Variants in NELL1 observed in about 807,000 individuals in gnomAD.
NELL1 encodes the protein neural EGFL like 1.
A neutral mutation model predicts 107.4 loss-of-function variants in NELL1; 76 were observed. The observed-to-expected ratio is 0.71, with a 90% CI of 0.59 to 0.86. NELL1 has a LOEUF of 0.86. Among genes scored for constraint, NELL1 ranks in the 40% least tolerant of loss-of-function variants. The pLI, the probability that NELL1 is intolerant of heterozygous loss-of-function variation, is 0.00. For synonymous variants in NELL1, 353 were observed against 341.2 expected, an observed-to-expected ratio of 1.03 and a Z score of -0.38; for missense variants, 1,024 against 1,005.5, an observed-to-expected ratio of 1.02 and a Z score of -0.25.
At chr11:21,077,610 G>T (rs1423462589) in intron 12 of NELL1, among the ~76,000 whole-genome samples, 1 of 152,004 alleles carries the variant, frequency 6.6e-6, no homozygotes, top group Admixed American at 6.6e-5. Context: ...TGGCGTGGTG[G>T]CACGTGCCTG....
intron 15 of NELL1, among the ~76,000 whole-genome samples, chr11:21,426,260 G>A (rs1483656638): frequency 1.3e-5 from 2 of 152,174 alleles, no homozygotes; most frequent in South Asian, 2.1e-4. Flanking sequence ...TACATGCTCA[G>A]TAGCATGTGG....
At chr11:21,052,189 G>A (rs909813337) in intron 12 of NELL1, among the ~76,000 whole-genome samples, 1 of 152,088 alleles carries the variant, frequency 6.6e-6, no homozygotes, top group Non-Finnish European at 1.5e-5. Context: ...TGTCTGGAGT[G>A]TGGTGAGATG....
intron 12 of NELL1, among the ~76,000 whole-genome samples, chr11:21,084,993 A>G (rs1403099589): frequency 6.6e-6 from 1 of 152,172 alleles, no homozygotes; most frequent in African/African-American, 2.4e-5. Flanking sequence ...CAGTTATACA[A>G]TGGGGGTAAG....
intron 14 of NELL1, among the ~76,000 whole-genome samples, chr11:21,332,239 A>C (rs904925681): frequency 6.6e-6 from 1 of 151,944 alleles, no homozygotes; most frequent in Non-Finnish European, 1.5e-5. Context: ...TTTGCGTTCA[A>C]AGGTCCAAGG....
chr11:21,500,696 C>A (rs1185374066), intron 15 of NELL1, among the ~76,000 whole-genome samples: 1 of 152,030 alleles, frequency 6.6e-6, no homozygotes, highest in Non-Finnish European at 1.5e-5. Flanking sequence ...TAATACTGTG[C>A]TTTTTAGTGT....
chr11:21,413,459 G>T (rs1172804706), intron 15 of NELL1, among the ~76,000 whole-genome samples: 2 of 152,042 alleles, frequency 1.3e-5, no homozygotes, highest in South Asian at 4.1e-4. Context: ...AAGTGTGGCT[G>T]CTTTGAAAGA....
chr11:20,940,408 G>A (rs748529279), intron 10 of NELL1, among the ~76,000 whole-genome samples: 4 of 152,038 alleles, frequency 2.6e-5, no homozygotes, highest in Admixed American at 6.6e-5. Context: ...TAAGAGCTGC[G>A]CCACCACACC....
At chr11:20,881,128 C>T (rs897785193) in intron 4 of NELL1, among the ~76,000 whole-genome samples, 3 of 152,142 alleles carry the variant, frequency 2.0e-5, no homozygotes, top group African/African-American at 7.2e-5. Flanking sequence ...TCCCCTTTTC[C>T]TTCTGATAAG....
chr11:20,771,558 A>G (rs1035752230), intron 2 of NELL1, among the ~76,000 whole-genome samples: 7 of 152,106 alleles, frequency 4.6e-5, no homozygotes, highest in African/African-American at 2.4e-5. Flanking sequence ...GATGACGGGG[A>G]AGCCTAGATT....
rs116302595 is a variant in NELL1 at position 21,208,931 on chromosome 11, C to T, written c.1427-20401C>T. On this transcript the variant is annotated intron_variant, in intron 13 of 19. Coordinates refer to ENST00000357134, the MANE Select transcript of NELL1 (RefSeq NM_006157.5). ...TTTCTGCCCTTGGCAAAGATCTCAG[C>T]ACCTGAGCTTAGCAGAGAATCAGCA... is the stretch of plus-strand genomic sequence containing the variant. Among the ~76,000 whole-genome samples, 1,171 of 152,260 alleles carry T rather than the reference C, an allele frequency of 7.7e-3. 11 individuals carry two copies. The highest frequency in any genetic ancestry group is 0.025 in the African/African-American group (1,019 of 41,556).
intron 12 of NELL1, among the ~76,000 whole-genome samples, chr11:21,038,563 G>C (rs1391533849): frequency 3.3e-5 from 5 of 152,112 alleles, no homozygotes; most frequent in Non-Finnish European, 7.4e-5. Context: ...TATTTGCTTG[G>C]CTAAGTTTTT....
chr11:21,193,723 T>A (rs1265466258), intron 13 of NELL1, among the ~76,000 whole-genome samples: 2 of 151,928 alleles, frequency 1.3e-5, no homozygotes, highest in Non-Finnish European at 2.9e-5. Context: ...TTTCATTTGA[T>A]GTTCTTGATT....
chr11:21,311,154 C>A (rs535222282), intron 14 of NELL1, among the ~76,000 whole-genome samples: 3 of 152,202 alleles, frequency 2.0e-5, no homozygotes, highest in East Asian at 3.9e-4. Flanking sequence ...AAATGCATTA[C>A]CCATGCTATA....
chr11:21,003,468 A>C (rs1465662641), intron 12 of NELL1, among the ~76,000 whole-genome samples: 1 of 152,160 alleles, frequency 6.6e-6, no homozygotes, highest in African/African-American at 2.4e-5. Context: ...TTAGGCTTGC[A>C]GAAGTATTAG....
At chr11:21,107,815 G>A (rs185404379) in intron 12 of NELL1, among the ~76,000 whole-genome samples, 38 of 152,264 alleles carry the variant, frequency 2.5e-4, no homozygotes, top group Non-Finnish European at 4.4e-4. Flanking sequence ...GAATGTATAC[G>A]TGGGAAAAAC....
At chr11:20,873,719 C>T (rs1245805106) in intron 4 of NELL1, among the ~76,000 whole-genome samples, 2 of 150,348 alleles carry the variant, frequency 1.3e-5, no homozygotes, top group East Asian at 1.9e-4. Flanking sequence ...GTCTGATGAT[C>T]TTTCCCTGGC....
At chr11:21,192,131 C>A (rs1857062930) in intron 13 of NELL1, among the ~76,000 whole-genome samples, 1 of 151,766 alleles carries the variant, frequency 6.6e-6, no homozygotes, top group South Asian at 2.1e-4. Context: ...TTCTTTATTT[C>A]ATATGGCAGG....
intron 15 of NELL1, among the ~76,000 whole-genome samples, chr11:21,444,122 A>G (rs1188138655): frequency 1.3e-5 from 2 of 152,164 alleles, no homozygotes; most frequent in Admixed American, 1.3e-4. Flanking sequence ...TAAAAATGAG[A>G]TTATACTCTA....
chr11:21,570,850 A>C lies in NELL1; in HGVS notation c.2067A>C (p.Arg689Ser). Residue 689 changes from arginine to serine, a missense_variant, in exon 18 of 20, where the codon AGA becomes AGC. Physicochemically the swap from Arg to Ser is moderately radical, Grantham distance 110 (BLOSUM62 -1). Coordinates refer to ENST00000357134, the MANE Select transcript of NELL1 (RefSeq NM_006157.5). ...DLFCCPECDT[R>S]VTSQCLDQNG... ...TCTGTTGCCCAGAATGTGACACCAG[A>C]GTCACAAGTCAATGTTTAGACCAAA... 1 of 1,611,808 alleles carries C rather than the reference A, an allele frequency of 6.2e-7. No homozygotes were observed.
Sources: gnomAD v4.1 joint callset for allele counts (sites outside exome capture counted in the v4.1 genomes callset) on GRCh38, gnomAD v4.1.1 for gene constraint, MANE v1.5 for transcripts, NCBI Gene and HGNC (gene_info 2026-07-23, HGNC 2026-07-21) for gene names.